Variants in SLIT2 observed in about 807,000 individuals in gnomAD.
SLIT2 encodes slit homolog 2 protein.
Under a neutral mutation model 185.7 loss-of-function variants are expected in SLIT2, and 41 were observed. The observed-to-expected ratio is 0.22, with a 90% CI of 0.17 to 0.29. SLIT2 has a LOEUF of 0.29. Ranked by LOEUF, SLIT2 falls within the 10% of genes least tolerant of loss-of-function variation. The pLI, the probability that SLIT2 is intolerant of heterozygous loss-of-function variation, is 1.00. For synonymous variants in SLIT2, 693 were observed against 680.2 expected (o/e 1.02, Z -0.29); for missense variants, 1,571 against 1,909.0 (o/e 0.82, Z 3.30).
At chr4:20,443,033 A>G (rs1729894672) in intron 4 of SLIT2, among the ~76,000 whole-genome samples, 1 of 152,202 alleles carries the variant, frequency 6.6e-6, no homozygotes, top group Non-Finnish European at 1.5e-5. Flanking sequence ...TTAAAACTGA[A>G]TAGAATTTTG....
chr4:20,432,130 A>AT (rs540373114), intron 4 of SLIT2, among the ~76,000 whole-genome samples: 160 of 152,162 alleles, frequency 1.1e-3, no homozygotes, highest in Non-Finnish European at 1.7e-3. Flanking sequence ...GGTGGCTGCG[A>AT]TTTTGGCTGG....
At chr4:20,501,390 A>G (rs995049234) in intron 9 of SLIT2, among the ~76,000 whole-genome samples, 1 of 152,076 alleles carries the variant, frequency 6.6e-6, no homozygotes, top group African/African-American at 2.4e-5. Flanking sequence ...GGCTCAAGCA[A>G]TCCTCCCACC....
chr4:20,596,717 C>T (rs560888119), intron 32 of SLIT2, 62 bp downstream of exon 32: 12 of 1,506,274 alleles, frequency 8.0e-6, no homozygotes, highest in Middle Eastern at 1.8e-4. Flanking sequence ...AGAGAATAAA[C>T]ATTTGTGGTA....
At chr4:20,519,699 C>T (rs895759260) in intron 12 of SLIT2, among the ~76,000 whole-genome samples, 1 of 152,120 alleles carries the variant, frequency 6.6e-6, no homozygotes, top group African/African-American at 2.4e-5. Context: ...GCTTCTCTAT[C>T]ATTTAAAGCT....
chr4:20,592,425 G>T (rs1215935540), intron 30 of SLIT2, among the ~76,000 whole-genome samples: 1 of 152,056 alleles, frequency 6.6e-6, no homozygotes, highest in Non-Finnish European at 1.5e-5. Flanking sequence ...AATGTGATAG[G>T]TTTTATTGAT....
intron 4 of SLIT2, among the ~76,000 whole-genome samples, chr4:20,271,725 A>G (rs13143450): frequency 0.41 from 61,592 of 151,632 alleles, 13,238 homozygotes; most frequent in East Asian, 0.77. Flanking sequence ...GGTTTAATAC[A>G]TAGTTTATAC....
intron 9 of SLIT2, among the ~76,000 whole-genome samples, chr4:20,508,233 G>T (rs1719379292): frequency 6.6e-6 from 1 of 151,890 alleles, no homozygotes; most frequent in African/African-American, 2.4e-5. Context: ...AGAATATAGT[G>T]GAATAAGAAC....
At chr4:20,283,281 T>C (rs1426545531) in intron 4 of SLIT2, among the ~76,000 whole-genome samples, 1 of 152,196 alleles carries the variant, frequency 6.6e-6, no homozygotes, top group African/African-American at 2.4e-5. Flanking sequence ...AGCAACACAA[T>C]GAGGGGTGCA....
intron 3 of SLIT2, among the ~76,000 whole-genome samples, chr4:20,265,967 C>G (rs1248438514): frequency 6.6e-6 from 1 of 151,828 alleles, no homozygotes; most frequent in East Asian, 1.9e-4. Flanking sequence ...AGCTTTATGT[C>G]TTTGAACTCT....
Position 20,477,794 on chromosome 4 carries a change from A to AT in SLIT2, c.468-2914dup, listed in dbSNP as rs887796282. Among the ~76,000 whole-genome samples, 8 of 152,032 alleles carry AT rather than the reference A, an allele frequency of 5.3e-5. No individual in the cohort carries two copies. The South Asian group carries it at 6.2e-4, about 12-fold the overall frequency. On this transcript the variant is annotated intron_variant, in intron 5 of 36. Coordinates refer to ENST00000504154, the MANE Select transcript of SLIT2 (RefSeq NM_004787.4). The stretch of plus-strand genomic sequence containing the variant: ...TCTTAGTGAATAGTTGGAGCATAAT[A>AT]TTTTTTTTGAAGAAGTGAAAAAGTC...
chr4:20,546,784 T>G (rs929016688), intron 22 of SLIT2, among the ~76,000 whole-genome samples: 1 of 152,066 alleles, frequency 6.6e-6, no homozygotes, highest in African/African-American at 2.4e-5. Context: ...ACATGCACAA[T>G]GTTTAAAAAT....
intron 4 of SLIT2, among the ~76,000 whole-genome samples, chr4:20,427,800 T>C (rs1355855888): frequency 6.6e-6 from 1 of 152,176 alleles, no homozygotes; most frequent in African/African-American, 2.4e-5. Context: ...CAGGTCTTTT[T>C]CCCCCAACTA....
chr4:20,536,075 T>TAA (rs1428495981), intron 18 of SLIT2, among the ~76,000 whole-genome samples: 1 of 152,188 alleles, frequency 6.6e-6, no homozygotes, highest in Non-Finnish European at 1.5e-5. Context: ...TTTGTGTATC[T>TAA]AAACATACTA....
chr4:20,281,741 C>G (rs369794626), intron 4 of SLIT2, among the ~76,000 whole-genome samples: 5 of 152,236 alleles, frequency 3.3e-5, no homozygotes. Context: ...TACTCTTTCT[C>G]CTCTCCCCTC....
chr4:20,482,774 A>C (rs1716831241), intron 6 of SLIT2, among the ~76,000 whole-genome samples: 1 of 151,950 alleles, frequency 6.6e-6, no homozygotes, highest in Admixed American at 6.6e-5. Flanking sequence ...ATTTCTTCTA[A>C]AAAGATTGAA....
chr4:20,541,358 A>C, intron 19 of SLIT2, 95 bp from the exon 20 acceptor site: 1 of 1,022,290 alleles, frequency 9.8e-7, no homozygotes, highest in Non-Finnish European at 1.5e-6. Flanking sequence ...GAATCATTCC[A>C]GCGGAAATAG....
At chr4:20,524,568 T>G (rs1042699239) in intron 14 of SLIT2, among the ~76,000 whole-genome samples, 4 of 152,208 alleles carry the variant, frequency 2.6e-5, no homozygotes, top group Non-Finnish European at 5.9e-5. Context: ...GAAAGTGAAT[T>G]GAGACTTGGT....
At chr4:20,290,203 A>T (rs1274744201) in intron 4 of SLIT2, among the ~76,000 whole-genome samples, 3 of 152,182 alleles carry the variant, frequency 2.0e-5, no homozygotes, top group African/African-American at 7.2e-5. Context: ...TGTTCCCTTT[A>T]TAAATCCCCA....
In SLIT2 at chr4:20,492,004, G is replaced by A. The variant is rs573637817; in HGVS notation, c.914+105G>A. Reference sequence around the variant, plus strand: ...TATCGAAGGCACATCTGATCAATTGGCTTAGACAAATGTTCTCTTCAGAAA... The same window carrying A: ...TATCGAAGGCACATCTGATCAATTGACTTAGACAAATGTTCTCTTCAGAAA... On this transcript the variant is annotated intron_variant, in intron 9 of 36. Transcript: ENST00000504154. The A allele has an allele frequency of 1.1e-5, 12 of 1,066,748 alleles. No homozygotes were observed. The East Asian group carries it at 2.7e-4, about 24-fold the overall frequency. The allele number at this position is 1,066,748 out of a possible 1,614,324, so 66.1% of individuals were successfully genotyped here.
Sources: allele counts gnomAD v4.1 joint callset (sites outside exome capture counted in the v4.1 genomes callset), GRCh38; gene constraint gnomAD v4.1.1; transcripts MANE v1.5; gene names NCBI Gene and HGNC (gene_info 2026-07-23, HGNC 2026-07-21).